The following UNC13C variants were observed in gnomAD, a reference collection of about 807,000 sequenced individuals.
UNC13C encodes the protein protein unc-13 homolog C.
Under a neutral mutation model 245.4 loss-of-function variants are expected in UNC13C, and 174 were observed. That is an observed-to-expected ratio of 0.71 (90% CI 0.63 to 0.80). The LOEUF (loss-of-function observed/expected upper bound fraction) is 0.80, where lower values mean the gene tolerates loss of function less well. Ranked by LOEUF, UNC13C falls within the 30% of genes least tolerant of loss-of-function variation. The pLI is 0.00. For missense variants in UNC13C, 2,829 were observed against 2,602.9 expected, an observed-to-expected ratio of 1.09 and a Z score of -1.89; for synonymous variants, 992 against 895.1, an observed-to-expected ratio of 1.11 and a Z score of -1.93.
intron 30 of UNC13C, among the ~76,000 whole-genome samples, chr15:54,613,245 T>C (rs1164481722): frequency 6.6e-6 from 1 of 151,906 alleles, no homozygotes; most frequent in Non-Finnish European, 1.5e-5. Context: ...TAGCAAAATA[T>C]GTATAAAACC....
chr15:54,379,400 T>C (rs2140896414), intron 17 of UNC13C, among the ~76,000 whole-genome samples: 1 of 152,300 alleles, frequency 6.6e-6, no homozygotes, highest in South Asian at 2.1e-4. Flanking sequence ...TCATGACTGA[T>C]ACTGGCACCC....
At chr15:54,473,328 C>T (rs768747897) in intron 19 of UNC13C, among the ~76,000 whole-genome samples, 1 of 151,550 alleles carries the variant, frequency 6.6e-6, no homozygotes, top group Non-Finnish European at 1.5e-5. Context: ...ATATCCATCG[C>T]CTTAAACATT....
the UNC13C span, among the ~76,000 whole-genome samples, chr15:53,894,186 C>T: frequency 6.6e-6 from 1 of 152,208 alleles, no homozygotes; most frequent in Non-Finnish European, 1.5e-5. Flanking sequence ...TCCAATCAGT[C>T]CCAGTGAGAT....
At chr15:54,234,071 C>T (rs1026695248) in intron 4 of UNC13C, among the ~76,000 whole-genome samples, 1 of 151,940 alleles carries the variant, frequency 6.6e-6, no homozygotes, top group Non-Finnish European at 1.5e-5. Flanking sequence ...TAATACATGC[C>T]TATTTAAAAA....
intron 19 of UNC13C, among the ~76,000 whole-genome samples, chr15:54,425,242 C>T (rs1435449822): frequency 6.6e-6 from 1 of 151,732 alleles, no homozygotes; most frequent in Non-Finnish European, 1.5e-5. Context: ...TGGCAGAGTT[C>T]AATGACACCG....
chr15:54,297,740 C>A, intron 11 of UNC13C, 71 bp from the exon 12 acceptor site: 2 of 1,166,408 alleles, frequency 1.7e-6, no homozygotes, highest in Non-Finnish European at 2.5e-6. Flanking sequence ...TGTTTTTTAG[C>A]TTTTGAGAGG....
chr15:54,315,114 T>C (rs1027885585), intron 13 of UNC13C, among the ~76,000 whole-genome samples: 2 of 151,804 alleles, frequency 1.3e-5, no homozygotes, highest in Non-Finnish European at 2.9e-5. Context: ...CAAATTAATC[T>C]GATAATGCTA....
chr15:54,095,535 G>C (rs1398091632), intron 2 of UNC13C, among the ~76,000 whole-genome samples: 1 of 152,170 alleles, frequency 6.6e-6, no homozygotes, highest in East Asian at 1.9e-4. Context: ...TCAGTAGATT[G>C]ATATTCAGTT....
intron 19 of UNC13C, among the ~76,000 whole-genome samples, chr15:54,471,799 T>C (rs1168590383): frequency 6.6e-6 from 1 of 151,704 alleles, no homozygotes; most frequent in Admixed American, 6.6e-5. Flanking sequence ...CTTTTTAAAT[T>C]GATTTTCTAT....
intron 19 of UNC13C, among the ~76,000 whole-genome samples, chr15:54,462,735 A>C (rs111681419): frequency 0.03 from 4,637 of 152,232 alleles, 178 homozygotes; most frequent in Admixed American, 0.12. Context: ...TGAGCCCCCC[A>C]ACCCATGGGC....
intron 20 of UNC13C, among the ~76,000 whole-genome samples, chr15:54,494,970 CATA>C (rs1228257807): frequency 1.3e-5 from 2 of 151,888 alleles, no homozygotes; most frequent in African/African-American, 4.8e-5. Context: ...ACAAAAAATG[CATA>C]ATAAGACATG....
At chr15:54,093,984 ATT>A (rs1899712444) in intron 2 of UNC13C, among the ~76,000 whole-genome samples, 1 of 37,044 alleles carries the variant, frequency 2.7e-5, no homozygotes, top group Non-Finnish European at 5.8e-5. Flanking sequence ...ACTGGTGTGC[ATT>A]GAAACCTTTA....
intron 4 of UNC13C, among the ~76,000 whole-genome samples, chr15:54,180,006 A>G (rs2033744414): frequency 6.6e-6 from 1 of 152,108 alleles, no homozygotes; most frequent in Admixed American, 6.6e-5. Flanking sequence ...AATAAAAACT[A>G]GAATTTTATT....
chr15:54,555,279 A>G (rs1272250771), intron 28 of UNC13C, among the ~76,000 whole-genome samples, 153 bp from the exon 29 acceptor site: 1 of 152,112 alleles, frequency 6.6e-6, no homozygotes, highest in Non-Finnish European at 1.5e-5. Context: ...TTTATAAAAT[A>G]TATGACAATC....
At chr15:54,620,488 G>A (rs1451486457) in intron 30 of UNC13C, among the ~76,000 whole-genome samples, 6 of 152,076 alleles carry the variant, frequency 3.9e-5, no homozygotes, top group African/African-American at 9.7e-5. Context: ...AGTACTTTGG[G>A]ATCTCCCAAT....
At chr15:54,270,201 C>T (rs570195836) in intron 10 of UNC13C, among the ~76,000 whole-genome samples, 8 of 152,242 alleles carry the variant, frequency 5.3e-5, no homozygotes, top group South Asian at 4.2e-4. Flanking sequence ...TCTTTATAAA[C>T]GGTTCTCTTT....
chr15:54,130,643 T>C (rs1310139642), intron 2 of UNC13C, among the ~76,000 whole-genome samples: 1 of 152,116 alleles, frequency 6.6e-6, no homozygotes, highest in East Asian at 1.9e-4. Flanking sequence ...TATATTTCTG[T>C]TTGGTATGAA....
intron 4 of UNC13C, among the ~76,000 whole-genome samples, chr15:54,200,664 A>G (rs1032882851): frequency 5.3e-5 from 8 of 152,202 alleles, no homozygotes; most frequent in African/African-American, 1.9e-4. Context: ...TCTGGGATAC[A>G]GCAAAAGTGG....
In UNC13C at chr15:54,557,913, T is replaced by C. The variant is rs1897155650; in HGVS notation, c.5958+2401T>C. Reference sequence around the variant, plus strand: ...GTGGCACATATACACCATGGAATACTATGCAGCCATAAAAAATGATGAGTT... The same window carrying C: ...GTGGCACATATACACCATGGAATACCATGCAGCCATAAAAAATGATGAGTT... On this transcript the variant is annotated intron_variant, in intron 29 of 32. Transcript: ENST00000260323. Among the ~76,000 whole-genome samples the C allele has an allele frequency of 2.6e-5, 4 of 152,074 alleles. No homozygotes were observed. In the South Asian group the frequency reaches 8.3e-4, roughly 31 times the overall value.
Sources: allele counts gnomAD v4.1 joint callset (sites outside exome capture counted in the v4.1 genomes callset), GRCh38; gene constraint gnomAD v4.1.1; transcripts MANE v1.5; gene names NCBI Gene and HGNC (gene_info 2026-07-23, HGNC 2026-07-21).